TSPEAR: variants seen among roughly 807,000 people sequenced by gnomAD.
TSPEAR encodes thrombospondin-type laminin G domain and EAR repeat-containing protein.
TSPEAR carries 69 observed loss-of-function variants against 71.6 expected under a neutral mutation model. The ratio of observed to expected loss-of-function variants is 0.96; its 90% CI spans 0.79 to 1.18. TSPEAR has a LOEUF of 1.18. Ranked by LOEUF, TSPEAR falls within the 50% of genes most tolerant of loss-of-function variation. The pLI is 0.00. For missense variants in TSPEAR, 971 were observed against 894.9 expected (o/e 1.09, Z -1.09); for synonymous variants, 402 against 387.2 (o/e 1.04, Z -0.45).
intron 2 of TSPEAR, among the ~76,000 whole-genome samples, chr21:44,552,316 G>A (rs1555919201): frequency 1.3e-5 from 2 of 152,118 alleles, no homozygotes; most frequent in South Asian, 2.1e-4. Flanking sequence ...CCCTGACCCC[G>A]GGGCAGGGAC....
rs1797741114 is a variant in TSPEAR at position 44,533,678 on chromosome 21, T to A, written c.542+7A>T. 1 of 1,601,762 alleles carries A rather than the reference T, an allele frequency of 6.2e-7. No homozygotes were observed. Among genetic ancestry groups the A allele is most frequent in the African/African-American group, 1.3e-5 (1 of 74,762 alleles). On this transcript the variant is annotated splice_region_variant and intron_variant, in intron 3 of 11. Transcript: ENST00000323084. ...TGCAGGTGCACCCTCCCCGGGTGGG[T>A]ACCTACATGTCCACCGGGAGGCCGC...
intron 1 of TSPEAR, chr21:44,666,155 T>C (rs1985744577): frequency 2.4e-6 from 1 of 419,774 alleles, no homozygotes; most frequent in South Asian, 5.2e-5. Flanking sequence ...GCAGGGAGTA[T>C]GGAAATAAAA....
chr21:44,538,884 T>C, intron 2 of TSPEAR: 2 of 276,932 alleles, frequency 7.2e-6, no homozygotes, highest in South Asian at 1.1e-4. Context: ...CTGTGACTTC[T>C]AGGTTAAGTC....
intron 1 of TSPEAR, among the ~76,000 whole-genome samples, chr21:44,571,905 G>A (rs2053803839): frequency 1.3e-5 from 2 of 152,216 alleles, no homozygotes; most frequent in Non-Finnish European, 2.9e-5. Flanking sequence ...AGGCAGGGAG[G>A]AGAATCCTCA....
At chr21:44,622,365 G>T (rs468278) in intron 1 of TSPEAR, among the ~76,000 whole-genome samples, 44,835 of 152,012 alleles carry the variant, frequency 0.29, 11,495 homozygotes, top group African/African-American at 0.68. Context: ...GATTTTTTAT[G>T]CCCCCATCTT....
At chr21:44,667,372 T>C (rs1331778183) in intron 1 of TSPEAR, among the ~76,000 whole-genome samples, 1 of 152,190 alleles carries the variant, frequency 6.6e-6, no homozygotes, top group Non-Finnish European at 1.5e-5. Flanking sequence ...AGCTTAGAGC[T>C]GGATGAGAGC....
intron 1 of TSPEAR, chr21:44,638,335 C>A (rs142579519): frequency 0.15 from 43,372 of 293,004 alleles, 16,288 homozygotes; most frequent in South Asian, 0.41. Context: ...TGATGGCTGC[C>A]TGTGGGACCC....
At position 44,708,072 on chromosome 21, in the gene TSPEAR, T is replaced by TGAGA. The variant is rs529011769; in HGVS notation, c.82+3357_82+3360dup. Among the ~76,000 whole-genome samples the TGAGA allele has an allele frequency of 1.6e-3, 217 of 138,570 alleles. 1 individual carries two copies. Among genetic ancestry groups the TGAGA allele is most frequent in the African/African-American group, 5.5e-3 (201 of 36,414 alleles). 90.9% of individuals were successfully genotyped at this position (138,570 alleles called of 152,430 possible). On this transcript the variant is annotated intron_variant, in intron 1 of 11. Transcript: ENST00000323084. ...CACACAGCACGAGGCGACAGAGATA[T>TGAGA]GAGAGAGAGCGAGCGAGAGAGGACG... is the stretch of plus-strand genomic sequence containing the variant.
intron 1 of TSPEAR, among the ~76,000 whole-genome samples, chr21:44,575,995 G>A (rs2146091562): frequency 6.6e-6 from 1 of 152,334 alleles, no homozygotes; most frequent in East Asian, 1.9e-4. Context: ...ACTGCCCAGA[G>A]CAGGATGGTC....
chr21:44,501,255 G>T lies in TSPEAR; in HGVS notation c.1857-1319C>A, dbSNP rs139960760. 5.4e-3 allele frequency among the ~76,000 whole-genome samples: 815 copies of T among 151,654 alleles called. 30 individuals are homozygous for T. In the East Asian group the frequency reaches 0.074, roughly 14 times the overall value. ...ACTTGAGGTCAGGAGTTCGAGAACA[G>T]CCTGGCCAACATAGTGAAACCCCAT... On this transcript the variant is annotated intron_variant, in intron 11 of 11. Transcript: ENST00000323084.
intron 1 of TSPEAR, among the ~76,000 whole-genome samples, chr21:44,571,635 G>A (rs1275235278): frequency 6.6e-6 from 1 of 152,166 alleles, no homozygotes; most frequent in African/African-American, 2.4e-5. Flanking sequence ...AGATGAACTT[G>A]GACCCAAAAG....
At chr21:44,604,187 G>A (rs28462991) in intron 1 of TSPEAR, among the ~76,000 whole-genome samples, 6,429 of 152,264 alleles carry the variant, frequency 0.042, 391 homozygotes, top group African/African-American at 0.14. Context: ...AGGTAGGGGC[G>A]CAGCATGCTT....
At chr21:44,639,806 T>C (rs1372642494) in intron 1 of TSPEAR, among the ~76,000 whole-genome samples, 2 of 151,710 alleles carry the variant, frequency 1.3e-5, no homozygotes, top group Admixed American at 1.3e-4. Context: ...ACATTTGCCA[T>C]TGTCCCCACC....
At position 44,538,800 on chromosome 21, in the gene TSPEAR, C is replaced by T. The variant is rs149490313; in HGVS notation, c.304-4877G>A. 5.9e-5 allele frequency among the ~76,000 whole-genome samples: 9 copies of T among 152,324 alleles called. No individual in the cohort carries two copies. The East Asian group carries it at 1.7e-3, about 29-fold the overall frequency. On this transcript the variant is annotated intron_variant, in intron 2 of 11. Transcript: ENST00000323084. ...GGAAGACCCGGGCACAGGGGCTGAG[C>T]TGGGACTGAGCCTTCCTGGGAGTGA...
intron 10 of TSPEAR, chr21:44,507,068 C>T (rs1271432753): frequency 6.6e-6 from 1 of 152,254 alleles, no homozygotes; most frequent in Non-Finnish European, 1.5e-5. Context: ...CACCACCAAC[C>T]CGGAGGACAC....
intron 1 of TSPEAR, chr21:44,646,997 C>T: frequency 1.9e-6 from 3 of 1,613,730 alleles, no homozygotes; most frequent in Non-Finnish European, 2.5e-6. Flanking sequence ...GCTTGCTGCA[C>T]CTCCTCCTCC....
chr21:44,646,596 C>T (rs1984394612), intron 1 of TSPEAR: 1 of 1,612,646 alleles, frequency 6.2e-7, no homozygotes, highest in Non-Finnish European at 8.5e-7. Context: ...TGAGCCTGGT[C>T]TGCACCCCAG....
At chr21:44,517,637 G>A (rs1443721241) in intron 9 of TSPEAR, 9 of 398,860 alleles carry the variant, frequency 2.3e-5, no homozygotes, top group Non-Finnish European at 4.6e-5. Context: ...CTCCTTGTCT[G>A]ACTTGATATG....
chr21:44,563,901 C>G (rs1209303081), intron 2 of TSPEAR, among the ~76,000 whole-genome samples: 2 of 152,188 alleles, frequency 1.3e-5, no homozygotes, highest in East Asian at 3.8e-4. Flanking sequence ...CAAAGCTTCT[C>G]TAACATACAT....
Sources: allele counts gnomAD v4.1 joint callset (sites outside exome capture counted in the v4.1 genomes callset), GRCh38; gene constraint gnomAD v4.1.1; transcripts MANE v1.5; gene names NCBI Gene and HGNC (gene_info 2026-07-23, HGNC 2026-07-21).